Variants in CNTLN observed in about 807,000 individuals in gnomAD.
CNTLN encodes the protein centlein, also known as centlein, centrosomal protein.
In CNTLN, 212 loss-of-function variants were observed where a neutral mutation model predicts 180.0. The observed-to-expected ratio is 1.18, with a 90% CI of 1.05 to 1.32. The LOEUF (loss-of-function observed/expected upper bound fraction) is 1.32, where lower values mean the gene tolerates loss of function less well. Ranked by LOEUF, CNTLN falls within the 40% of genes most tolerant of loss-of-function variation. CNTLN has a pLI of 0.00. For missense variants in CNTLN, 2,095 were observed against 1,610.9 expected (o/e 1.30, Z -5.14); for synonymous variants, 722 against 563.1 (o/e 1.28, Z -3.99).
the CNTLN span, among the ~76,000 whole-genome samples, chr9:17,522,320 G>A: frequency 1.7e-4 from 26 of 152,178 alleles, no homozygotes; most frequent in Admixed American, 5.9e-4. Flanking sequence ...TGTGCTAACC[G>A]GTTTCATTCC....
intron 18 of CNTLN, among the ~76,000 whole-genome samples, chr9:17,455,875 C>T (rs72707693): frequency 6.6e-6 from 1 of 151,756 alleles, no homozygotes; most frequent in African/African-American, 2.4e-5. Context: ...CAAATTGAAG[C>T]CTAATCTTAG....
At chr9:17,497,218 A>T (rs1165005568) in intron 25 of CNTLN, among the ~76,000 whole-genome samples, 2 of 152,066 alleles carry the variant, frequency 1.3e-5, no homozygotes, top group Non-Finnish European at 2.9e-5. Flanking sequence ...AGGAGTGGAA[A>T]ATGAGGGAGG....
chr9:17,405,390 G>A (rs1464845357), intron 15 of CNTLN, among the ~76,000 whole-genome samples: 2 of 151,754 alleles, frequency 1.3e-5, no homozygotes, highest in African/African-American at 4.9e-5. Flanking sequence ...AGTTCCGGAA[G>A]CTGGGAAGTC....
Position 17,239,168 on chromosome 9 carries a change from T to G in CNTLN, c.849+2580T>G, listed in dbSNP as rs111576496. 3.0e-3 allele frequency among the ~76,000 whole-genome samples: 464 copies of G among 152,204 alleles called. 4 individuals are homozygous for G. The highest frequency in any genetic ancestry group is 0.011 in the African/African-American group (444 of 41,554). On this transcript the variant is annotated intron_variant, in intron 5 of 25. Coordinates refer to ENST00000380647, the MANE Select transcript of CNTLN (RefSeq NM_017738.4). ...ATTCTCCTCCCGAGAAGAGGCAAATTACTACAGGCGCGTGCCACCACATGC... is the reference window on the plus strand; with the variant it reads ...ATTCTCCTCCCGAGAAGAGGCAAATGACTACAGGCGCGTGCCACCACATGC...
chr9:17,195,328 A>G (rs1024619457), intron 2 of CNTLN, among the ~76,000 whole-genome samples: 39 of 152,086 alleles, frequency 2.6e-4, no homozygotes, highest in African/African-American at 9.2e-4. Flanking sequence ...TAATAATTTG[A>G]CCTGTAATAT....
chr9:17,283,966 G>A (rs1828818985), intron 6 of CNTLN, among the ~76,000 whole-genome samples: 1 of 152,124 alleles, frequency 6.6e-6, no homozygotes, highest in Admixed American at 6.5e-5. Flanking sequence ...TGGTGGATAA[G>A]CTTTTTGAAT....
chr9:17,135,168 C>T lies in CNTLN; in HGVS notation c.103C>T (p.Arg35Cys). The T allele has an allele frequency of 7.5e-6, 12 of 1,609,666 alleles. No individual in the cohort carries two copies. The highest frequency in any genetic ancestry group is 1.0e-5 in the Non-Finnish European group (12 of 1,178,652). Residue 35 changes from arginine to cysteine, a missense_variant, in exon 1 of 26, where the codon CGC becomes TGC. Arg to Cys is a radical substitution (Grantham distance 180, BLOSUM62 -3). Coordinates refer to ENST00000380647, the MANE Select transcript of CNTLN (RefSeq NM_017738.4). Reference sequence around the variant, plus strand: ...GCGGGGAGCTGAAGTACACGCAATGCGCAGCGAGGCCTCGGGTTTTGCCGG... The same window carrying T: ...GCGGGGAGCTGAAGTACACGCAATGTGCAGCGAGGCCTCGGGTTTTGCCGG... ...VGRGAEVHAM[R>C]SEASGFAGAA...
At chr9:17,429,926 A>G (rs1417777197) in intron 18 of CNTLN, among the ~76,000 whole-genome samples, 1 of 152,038 alleles carries the variant, frequency 6.6e-6, no homozygotes, top group East Asian at 1.9e-4. Context: ...TATTGCTCTT[A>G]CTAGTTTCAT....
At chr9:17,507,547 T>C (rs976221694), downstream of CNTLN, among the ~76,000 whole-genome samples, 1 of 152,222 alleles carries the variant, frequency 6.6e-6, no homozygotes, top group African/African-American at 2.4e-5. Context: ...ATTCGGTTTT[T>C]AGTTCGAAGA....
At chr9:17,256,752 C>G (rs1826522750) in intron 5 of CNTLN, among the ~76,000 whole-genome samples, 1 of 151,874 alleles carries the variant, frequency 6.6e-6, no homozygotes, top group Non-Finnish European at 1.5e-5. Flanking sequence ...TTTTCTTGTA[C>G]AACTCAAAGC....
chr9:17,181,090 T>C (rs1198999022), intron 2 of CNTLN, among the ~76,000 whole-genome samples: 1 of 152,224 alleles, frequency 6.6e-6, no homozygotes, highest in Non-Finnish European at 1.5e-5. Context: ...ATTATGTCTT[T>C]TGCCAAACTT....
At chr9:17,511,452 T>G in the CNTLN span, among the ~76,000 whole-genome samples, 2 of 152,170 alleles carry the variant, frequency 1.3e-5, no homozygotes, top group African/African-American at 2.4e-5. Flanking sequence ...GCTGCAGTCA[T>G]CGCAAGGCTT....
At chr9:17,276,114 T>C (rs1159668064) in intron 6 of CNTLN, among the ~76,000 whole-genome samples, 1 of 152,090 alleles carries the variant, frequency 6.6e-6, no homozygotes, top group African/African-American at 2.4e-5. Flanking sequence ...ACTACACATA[T>C]ACCCCCTGTA....
chr9:17,416,615 C>G (rs1462939732), intron 18 of CNTLN, among the ~76,000 whole-genome samples: 1 of 152,062 alleles, frequency 6.6e-6, no homozygotes, highest in Non-Finnish European at 1.5e-5. Context: ...TTTGCAAATG[C>G]TAGTATAAAA....
intron 13 of CNTLN, among the ~76,000 whole-genome samples, chr9:17,376,042 C>T (rs1824731395): frequency 6.6e-6 from 1 of 152,156 alleles, no homozygotes; most frequent in Admixed American, 6.5e-5. Context: ...ACTGTTGTTG[C>T]TCCAATGCTC....
At chr9:17,211,454 G>C (rs1303187083) in intron 2 of CNTLN, among the ~76,000 whole-genome samples, 1 of 152,018 alleles carries the variant, frequency 6.6e-6, no homozygotes, top group African/African-American at 2.4e-5. Context: ...TTTGGTTACT[G>C]TAGCTTTGTA....
intron 18 of CNTLN, among the ~76,000 whole-genome samples, chr9:17,451,973 G>A (rs1437312007): frequency 6.6e-6 from 1 of 152,112 alleles, no homozygotes; most frequent in Non-Finnish European, 1.5e-5. Context: ...AGCTATACCC[G>A]ATCCCATTCA....
Position 17,135,158 on chromosome 9 carries a change from A to G in CNTLN, c.93A>G (p.Val31=). ...CACGTGTTGGGCGGGGAGCTGAAGT[A>G]CACGCAATGCGCAGCGAGGCCTCGG... is the stretch of plus-strand genomic sequence containing the variant. ...RSPRVGRGAE[V]HAMRSEASGF... is the part of the protein sequence containing the mutation. Residue 31 remains valine, a synonymous_variant, in exon 1 of 26, where the codon GTA becomes GTG. Coordinates refer to ENST00000380647, the MANE Select transcript of CNTLN (RefSeq NM_017738.4). The G allele has an allele frequency of 1.9e-6, 3 of 1,609,516 alleles. No individual in the cohort carries two copies. Among genetic ancestry groups the G allele is most frequent in the Non-Finnish European group, 1.7e-6 (2 of 1,178,626 alleles).
intron 2 of CNTLN, among the ~76,000 whole-genome samples, chr9:17,146,469 C>G (rs543269094): frequency 1.3e-5 from 2 of 152,178 alleles, no homozygotes; most frequent in South Asian, 2.1e-4. Context: ...ATTGATGAGG[C>G]CTTTTGGAAG....
Sources: allele counts gnomAD v4.1 joint callset (sites outside exome capture counted in the v4.1 genomes callset), GRCh38; gene constraint gnomAD v4.1.1; transcripts MANE v1.5; gene names NCBI Gene and HGNC (gene_info 2026-07-23, HGNC 2026-07-21).